Variants in BMP7 observed in about 807,000 individuals in gnomAD.
The protein encoded by BMP7 is bone morphogenetic protein 7, also known as osteogenic protein 1.
A neutral mutation model predicts 41.2 loss-of-function variants in BMP7; 12 were observed. The ratio of observed to expected loss-of-function variants is 0.29; its 90% CI spans 0.19 to 0.47. The LOEUF is 0.47. Among genes scored for constraint, BMP7 ranks in the 20% least tolerant of loss-of-function variants. BMP7 has a pLI of 0.99. For synonymous variants in BMP7, 248 were observed against 250.0 expected (o/e 0.99, Z 0.07); for missense variants, 467 against 606.0 (o/e 0.77, Z 2.41).
intron 2 of BMP7, among the ~76,000 whole-genome samples, chr20:57,221,179 C>T (rs537598262): frequency 1.5e-4 from 23 of 152,286 alleles, no homozygotes; most frequent in African/African-American, 5.1e-4. Flanking sequence ...CAGATCTTCA[C>T]TATGCAGCCC....
Position 57,174,990 on chromosome 20 carries a change from G to C in BMP7, c.976C>G (p.Gln326Glu), listed in dbSNP as rs751126578. 1.9e-6 allele frequency: 3 copies of C among 1,611,640 alleles called. No individual in the cohort carries two copies. The African/African-American group carries it at 4.0e-5, about 22-fold the overall frequency. The change falls in exon 5 of 7, where the codon CAG becomes GAG. Residue 326 changes from glutamine to glutamate, a missense_variant. Gln to Glu is a conservative substitution (Grantham distance 29). Around this residue, in one of 2 missense-constraint regions of BMP7, gnomAD observed 407 missense variants for 485.9 expected, o/e 0.84. Coordinates refer to ENST00000395863, the MANE Select transcript of BMP7 (RefSeq NM_001719.3). The surrounding 1 kb of genome is among the most constrained non-coding windows in gnomAD (Gnocchi z 4.3). The stretch of plus-strand genomic sequence containing the variant: ...TCGTGCTTCTTACAGGCCTGCCTCT[G>C]GTCGCTGCTGCTGTTCTCTGCATTG... ...ANVAENSSSD[Q>E]RQACKKHELY...
chr20:57,241,406 C>A (rs1313521058), intron 1 of BMP7, among the ~76,000 whole-genome samples: 2 of 152,176 alleles, frequency 1.3e-5, no homozygotes, highest in African/African-American at 4.8e-5. Flanking sequence ...AGGCTGACAG[C>A]CTGAAGGTTT....
At chr20:57,201,242 A>G (rs965338590) in intron 3 of BMP7, among the ~76,000 whole-genome samples, 2 of 152,252 alleles carry the variant, frequency 1.3e-5, no homozygotes, top group African/African-American at 4.8e-5. Context: ...CAATGGCCCA[A>G]ATCCTCTCAT....
chr20:57,199,975 T>C (rs1984584129), intron 3 of BMP7, among the ~76,000 whole-genome samples: 1 of 152,122 alleles, frequency 6.6e-6, no homozygotes, highest in Non-Finnish European at 1.5e-5. Context: ...TGACTCTAGA[T>C]AGCAACCTGC....
At position 57,251,889 on chromosome 20, in the gene BMP7, G is replaced by C. The variant is rs565218137; in HGVS notation, c.418+13816C>G. Among the ~76,000 whole-genome samples the C allele has an allele frequency of 6.6e-5, 10 of 152,250 alleles. 1 individual carries two copies. The South Asian group carries it at 1.9e-3, about 28-fold the overall frequency. Reference sequence around the variant, plus strand: ...GCAGAGGTTGCAGTGAGCCGGGATCGCGCCACCGCACTCCAGCCTGGGTGA... The same window carrying C: ...GCAGAGGTTGCAGTGAGCCGGGATCCCGCCACCGCACTCCAGCCTGGGTGA... On this transcript the variant is annotated intron_variant, in intron 1 of 6. Transcript: ENST00000395863.
chr20:57,265,833 C>T lies in BMP7; in HGVS notation c.290G>A (p.Gly97Glu), dbSNP rs1290656042. ...GTAGGAGAAGCCCTGGCCGCCGGGC[C>T]CGCCGCCCTCCTCCACCGCCATGGC... ...YNAMAVEEGG[G>E]PGGQGFSYPY... Residue 97 changes from glycine to glutamate, a missense_variant, in exon 1 of 7, where the codon GGG (glycine) becomes GAG (glutamate). Transcript: ENST00000395863. 2 of 1,606,312 alleles carry T rather than the reference C, an allele frequency of 1.2e-6. No individual in the cohort carries two copies. Among genetic ancestry groups the T allele is most frequent in the Non-Finnish European group, 1.7e-6 (2 of 1,176,980 alleles).
chr20:57,173,153 G>A, intron 6 of BMP7, 47 bp downstream of exon 6: 1 of 1,574,212 alleles, frequency 6.4e-7, no homozygotes, highest in Non-Finnish European at 8.7e-7. Context: ...TGGCCCCGCA[G>A]CCTGCCCGGC....
chr20:57,170,135 T>C lies in BMP7; in HGVS notation c.*824A>G, dbSNP rs1983782362. On this transcript the variant is annotated 3_prime_UTR_variant, in exon 7 of 7. Transcript: ENST00000395863. ...TCCTTGTCCCCTCTGCAATTTCACA[T>C]GGATTTACTACCACTGGGGCGAGGT... 1 of 152,482 alleles carries C rather than the reference T, an allele frequency of 6.6e-6. No individual in the cohort carries two copies. The highest frequency in any genetic ancestry group is 2.4e-5 in the African/African-American group (1 of 41,390). The allele number at this position is 152,482 out of a possible 1,614,324, so 9.4% of individuals were successfully genotyped here.
intron 1 of BMP7, among the ~76,000 whole-genome samples, chr20:57,264,572 C>T (rs1039708256): frequency 6.6e-6 from 1 of 152,176 alleles, no homozygotes; most frequent in African/African-American, 2.4e-5. Flanking sequence ...TCGCCGGGGT[C>T]GTCGCGGCTC....
intron 4 of BMP7, among the ~76,000 whole-genome samples, chr20:57,181,496 TAA>T (rs67768281): frequency 3.3e-3 from 456 of 139,414 alleles, no homozygotes; most frequent in Non-Finnish European, 3.7e-3. Context: ...ACCCTGTCTC[TAA>T]AAAAAAAAAA....
At position 57,170,484 on chromosome 20, in the gene BMP7, C is replaced by T. The variant is rs565332747; in HGVS notation, c.*475G>A. The T allele has an allele frequency of 5.4e-4, 133 of 248,290 alleles. No individual in the cohort carries two copies. Among genetic ancestry groups the T allele is most frequent in the African/African-American group, 2.4e-3 (108 of 44,390 alleles). 15.4% of individuals were successfully genotyped at this position (248,290 alleles called of 1,614,324 possible). ...ATTGTTTAGGAAAATATATCTGTAA[C>T]GTCCTAACCATTTTCATTCATTCGT... On this transcript the variant is annotated 3_prime_UTR_variant, in exon 7 of 7. Transcript: ENST00000395863.
chr20:57,255,799 CAAAA>C (rs3067106), intron 1 of BMP7, among the ~76,000 whole-genome samples: 27 of 48,622 alleles, frequency 5.6e-4, no homozygotes, highest in Non-Finnish European at 7.7e-4. Flanking sequence ...GACTCCATCT[CAAAA>C]AAAAAAAAAA....
Position 57,171,140 on chromosome 20 carries a change from G to T in BMP7, c.1147-32C>A. ...CACACACCAAAACATGGGCAGTGGT[G>T]AGAAGCGGTGAGTCGTTCTAACTGG... On this transcript the variant is annotated intron_variant, in intron 6 of 6. Transcript: ENST00000395863. This position sits in a 1 kb window ranked among gnomAD's most constrained non-coding sequence, Gnocchi z 4.5. The T allele has an allele frequency of 6.2e-7, 1 of 1,614,040 alleles. No homozygotes were observed. Among genetic ancestry groups the T allele is most frequent in the South Asian group, 1.1e-5 (1 of 91,028 alleles).
chr20:57,192,825 C>T (rs181523891), intron 3 of BMP7, among the ~76,000 whole-genome samples: 129 of 151,350 alleles, frequency 8.5e-4, no homozygotes, highest in African/African-American at 2.9e-3. Flanking sequence ...GTTTGCAATA[C>T]GAGGGACATG....
intron 4 of BMP7, among the ~76,000 whole-genome samples, chr20:57,175,739 T>C (rs1983909790): frequency 6.6e-6 from 1 of 152,180 alleles, no homozygotes; most frequent in East Asian, 1.9e-4. Context: ...AACAGAGGGA[T>C]TGCTTTTTTC....
chr20:57,257,343 G>T (rs372803312), intron 1 of BMP7, among the ~76,000 whole-genome samples: 1 of 151,886 alleles, frequency 6.6e-6, no homozygotes, highest in Admixed American at 6.6e-5. Flanking sequence ...CCATTGCACC[G>T]CAAATTTTCA....
At chr20:57,246,998 C>A (rs1290751329) in intron 1 of BMP7, among the ~76,000 whole-genome samples, 3 of 143,008 alleles carry the variant, frequency 2.1e-5, no homozygotes, top group East Asian at 4.0e-4. Context: ...CAAAAAAAAA[C>A]CAAAAGAGGA....
At position 57,170,994 on chromosome 20, in the gene BMP7, T is replaced by G; in HGVS notation, c.1261A>C (p.Arg421=). 6.2e-7 allele frequency: 1 copy of G among 1,614,076 alleles called. No homozygotes were observed. The highest frequency in any genetic ancestry group is 8.5e-7 in the Non-Finnish European group (1 of 1,179,992). ...CCACAGGCCCGGACCACCATGTTTC[T>G]GTATTTCTTCAGGATGACGTTGGAG... The part of the protein sequence containing the change: ...DSSNVILKKY[R]NMVVRACGCH The change falls in exon 7 of 7, where the codon AGA becomes CGA. Residue 421 remains arginine (R), a synonymous_variant. Coordinates refer to ENST00000395863, the MANE Select transcript of BMP7 (RefSeq NM_001719.3).
At chr20:57,260,103 A>T (rs1369092384) in intron 1 of BMP7, among the ~76,000 whole-genome samples, 1 of 152,150 alleles carries the variant, frequency 6.6e-6, no homozygotes, top group Non-Finnish European at 1.5e-5. Context: ...AAGCATGTGA[A>T]GCTCTGGAAT....
Sources: gnomAD v4.1 joint callset for allele counts (sites outside exome capture counted in the v4.1 genomes callset) on GRCh38, gnomAD v4.1.1 for gene constraint, gnomAD v4.1.1 regional missense constraint, Gnocchi (gnomAD v3.1) non-coding constraint, MANE v1.5 for transcripts, NCBI Gene and HGNC (gene_info 2026-07-23, HGNC 2026-07-21) for gene names.